Variants in ANKRD17 observed in about 807,000 individuals in gnomAD.
ANKRD17 encodes ankyrin repeat domain 17.
In ANKRD17, 19 loss-of-function variants were observed where a neutral mutation model predicts 229.7. The ratio of observed to expected loss-of-function variants is 0.08; its 90% CI spans 0.06 to 0.12. The LOEUF (loss-of-function observed/expected upper bound fraction) is 0.12. ANKRD17 is among the 10% of genes least tolerant of loss of function. The pLI is 1.00. For missense variants in ANKRD17, 2,176 were observed against 3,176.8 expected (o/e 0.68, Z 7.57); for synonymous variants, 1,112 against 1,146.1 (o/e 0.97, Z 0.60).
At chr4:73,136,054 A>C (rs1434647230) in intron 15 of ANKRD17, among the ~76,000 whole-genome samples, 1 of 152,192 alleles carries the variant, frequency 6.6e-6, no homozygotes, top group African/African-American at 2.4e-5. Context: ...CAAAATATGC[A>C]ACTTAAGAAA....
At chr4:73,101,094 T>C (rs1578048578) in intron 25 of ANKRD17, 2 of 856,284 alleles carry the variant, frequency 2.3e-6, no homozygotes, top group East Asian at 1.2e-4. Context: ...TGCATAATTT[T>C]TATGCAAATA....
intron 1 of ANKRD17, among the ~76,000 whole-genome samples, chr4:73,221,609 T>C (rs544641786): frequency 6.6e-6 from 1 of 152,344 alleles, no homozygotes; most frequent in African/African-American, 2.4e-5. Flanking sequence ...AAAAGTCATG[T>C]GGCCACTTGT....
chr4:73,170,407 T>G (rs1733828945), intron 2 of ANKRD17, among the ~76,000 whole-genome samples: 2 of 151,694 alleles, frequency 1.3e-5, no homozygotes, highest in Non-Finnish European at 2.9e-5. Context: ...CCTTGGGCCC[T>G]GAAGAACCAG....
intron 31 of ANKRD17, among the ~76,000 whole-genome samples, chr4:73,078,336 C>T (rs997923546): frequency 1.3e-5 from 2 of 151,612 alleles, no homozygotes; most frequent in Non-Finnish European, 1.5e-5. Flanking sequence ...GAGATTGTGC[C>T]GCTGCAGTCC....
Position 73,217,736 on chromosome 4 carries a change from C to G in ANKRD17, c.394-40203G>C, listed in dbSNP as rs534514202. Among the ~76,000 whole-genome samples, 9 of 152,184 alleles carry G rather than the reference C, an allele frequency of 5.9e-5. No homozygotes were observed. The East Asian group carries it at 1.7e-3, about 29-fold the overall frequency. On this transcript the variant is annotated intron_variant, in intron 1 of 33. Coordinates refer to ENST00000358602, the MANE Select transcript of ANKRD17 (RefSeq NM_032217.5). ...AACTTCTGCATTTGACCTCGTGTGA[C>G]AGATCAATCAAAACTTTGTTTTCAT...
chr4:73,077,996 T>C (rs1438498788), intron 31 of ANKRD17, among the ~76,000 whole-genome samples: 1 of 152,190 alleles, frequency 6.6e-6, no homozygotes, highest in African/African-American at 2.4e-5. Context: ...ATGCCTGTAA[T>C]GCCAGCACTT....
At chr4:73,102,609 A>G in intron 24 of ANKRD17, 62 bp from the exon 25 acceptor site, 1 of 1,541,600 alleles carries the variant, frequency 6.5e-7, no homozygotes, top group Non-Finnish European at 8.7e-7. Context: ...AGAAGTTGTC[A>G]CATAATCATT....
intron 1 of ANKRD17, among the ~76,000 whole-genome samples, chr4:73,190,173 A>T: frequency 6.6e-6 from 1 of 152,100 alleles, no homozygotes; most frequent in East Asian, 1.9e-4. Context: ...GTTCGAGACC[A>T]GCCTGGCTAA....
At chr4:73,211,839 C>A (rs1740310517) in intron 1 of ANKRD17, among the ~76,000 whole-genome samples, 1 of 136,932 alleles carries the variant, frequency 7.3e-6, no homozygotes, top group South Asian at 2.3e-4. Flanking sequence ...AAGAGCAAAA[C>A]TCTGTCTCAA....
chr4:73,111,813 G>A (rs1020314067), intron 24 of ANKRD17, among the ~76,000 whole-genome samples: 4 of 152,112 alleles, frequency 2.6e-5, no homozygotes, highest in Non-Finnish European at 1.5e-5. Flanking sequence ...ATCACAATCA[G>A]TGTGAACATT....
chr4:73,204,267 G>A (rs1306487400), intron 1 of ANKRD17, among the ~76,000 whole-genome samples: 5 of 150,252 alleles, frequency 3.3e-5, no homozygotes, highest in Admixed American at 6.6e-5. Context: ...AGGCTGAGGC[G>A]GGAGAATGGC....
chr4:73,201,976 C>T (rs949756343), intron 1 of ANKRD17, among the ~76,000 whole-genome samples: 7 of 152,098 alleles, frequency 4.6e-5, no homozygotes, highest in Non-Finnish European at 8.8e-5. Context: ...GTACATATTA[C>T]ACAAAATGAA....
intron 7 of ANKRD17, among the ~76,000 whole-genome samples, chr4:73,150,486 A>G (rs900640719): frequency 1.3e-5 from 2 of 152,200 alleles, no homozygotes; most frequent in Non-Finnish European, 2.9e-5. Flanking sequence ...CCAGAGAAAG[A>G]TATTTTCCTC....
chr4:73,107,371 T>A (rs757173767), intron 24 of ANKRD17, among the ~76,000 whole-genome samples: 11 of 152,260 alleles, frequency 7.2e-5, no homozygotes, highest in Non-Finnish European at 1.5e-4. Context: ...TAACTTGCTA[T>A]GTGCTATGCA....
intron 29 of ANKRD17, among the ~76,000 whole-genome samples, chr4:73,089,943 T>C (rs1722623323): frequency 6.6e-6 from 1 of 152,216 alleles, no homozygotes; most frequent in Non-Finnish European, 1.5e-5. Context: ...CACATGGTTA[T>C]TGGCTACCAT....
intron 6 of ANKRD17, among the ~76,000 whole-genome samples, chr4:73,151,906 T>A (rs191182067): frequency 1.3e-5 from 2 of 152,336 alleles, no homozygotes; most frequent in East Asian, 3.9e-4. Flanking sequence ...ATCAGTCAAG[T>A]TATTTCTGTG....
intron 30 of ANKRD17, among the ~76,000 whole-genome samples, chr4:73,082,147 CTTTT>C (rs1323529408): frequency 9.5e-6 from 1 of 105,754 alleles, no homozygotes; most frequent in Non-Finnish European, 1.8e-5. Context: ...GATACATTAT[CTTTT>C]TATTTAAAAA....
At chr4:73,149,139 GT>G (rs2148855846) in intron 7 of ANKRD17, 89 bp from the exon 8 acceptor site, 1 of 1,051,198 alleles carries the variant, frequency 9.5e-7, no homozygotes, top group East Asian at 2.6e-5. Context: ...ATACAATGAA[GT>G]TTATCTATCT....
intron 32 of ANKRD17, 77 bp downstream of exon 32, chr4:73,077,278 T>C (rs896282511): frequency 4.0e-5 from 57 of 1,412,466 alleles, no homozygotes; most frequent in Non-Finnish European, 5.2e-5. Flanking sequence ...CATTAGATTA[T>C]ACATATGCCT....
Sources: gnomAD v4.1 joint callset for allele counts (sites outside exome capture counted in the v4.1 genomes callset) on GRCh38, gnomAD v4.1.1 for gene constraint, MANE v1.5 for transcripts, NCBI Gene and HGNC (gene_info 2026-07-23, HGNC 2026-07-21) for gene names.